The following DOCK9 variants were observed in gnomAD, a reference collection of about 807,000 sequenced individuals.
DOCK9 encodes dedicator of cytokinesis protein 9.
DOCK9 carries 89 observed loss-of-function variants against 263.3 expected under a neutral mutation model. That is an observed-to-expected ratio of 0.34 (90% CI 0.28 to 0.40). The LOEUF (loss-of-function observed/expected upper bound fraction) is 0.40. DOCK9 is among the 10% of genes least tolerant of loss of function. The pLI is 1.00. For missense variants in DOCK9, 2,140 were observed against 2,603.4 expected (o/e 0.82, Z 3.87); for synonymous variants, 976 against 973.1 (o/e 1.00, Z -0.06).
intron 1 of DOCK9, among the ~76,000 whole-genome samples, chr13:99,068,963 A>T (rs2041552573): frequency 6.6e-6 from 1 of 152,224 alleles, no homozygotes; most frequent in South Asian, 2.1e-4. Flanking sequence ...CAGATTAAAT[A>T]AGTCCTCTAA....
At chr13:98,813,522 T>C (rs2091520160) in intron 45 of DOCK9, among the ~76,000 whole-genome samples, 1 of 152,210 alleles carries the variant, frequency 6.6e-6, no homozygotes, top group Admixed American at 6.5e-5. Flanking sequence ...TTAATTTGAT[T>C]GGCTTTTCAA....
chr13:99,000,836 A>G (rs2141832468), intron 1 of DOCK9, among the ~76,000 whole-genome samples: 1 of 152,292 alleles, frequency 6.6e-6, no homozygotes, highest in Middle Eastern at 3.4e-3. Flanking sequence ...TCAGATAAGA[A>G]CGTAACATCT....
At chr13:98,867,329 G>T in intron 30 of DOCK9, 96 bp downstream of exon 30, 1 of 784,274 alleles carries the variant, frequency 1.3e-6, no homozygotes, top group East Asian at 2.6e-5. Flanking sequence ...AAAAAAATCA[G>T]AAAATTCAAA....
At chr13:99,070,380 A>G (rs1219284087) in intron 1 of DOCK9, among the ~76,000 whole-genome samples, 2 of 152,162 alleles carry the variant, frequency 1.3e-5, no homozygotes, top group Non-Finnish European at 2.9e-5. Context: ...CTATCTTTTC[A>G]TGTGTTTCCT....
chr13:98,915,594 A>C, intron 7 of DOCK9, 91 bp from the exon 8 acceptor site: 13 of 1,280,118 alleles, frequency 1.0e-5, no homozygotes, highest in South Asian at 1.6e-5. Flanking sequence ...GTGATATCTC[A>C]TTGGCATTTA....
intron 25 of DOCK9, among the ~76,000 whole-genome samples, chr13:98,880,934 A>G (rs1051648637): frequency 6.6e-5 from 10 of 152,166 alleles, no homozygotes; most frequent in Admixed American, 5.9e-4. Flanking sequence ...AGGGGCTTCA[A>G]GGAATGTGTG....
intron 1 of DOCK9, among the ~76,000 whole-genome samples, chr13:98,971,969 GT>G (rs2059779048): frequency 6.6e-6 from 1 of 152,196 alleles, no homozygotes; most frequent in Non-Finnish European, 1.5e-5. Flanking sequence ...AGAGCAGTGT[GT>G]TTTTCCTTTC....
Position 98,807,785 on chromosome 13 carries a change from C to A in DOCK9, c.5390G>T (p.Gly1797Val), listed in dbSNP as rs1473567399. 3.7e-6 allele frequency: 6 copies of A among 1,611,234 alleles called. No individual in the cohort carries two copies. In the South Asian group the frequency reaches 6.6e-5, roughly 18 times the overall value. The change falls in exon 48 of 53, where the codon GGA (glycine) becomes GTA (valine). Residue 1797 changes from glycine to valine, a missense_variant. Around this residue, in one of 2 missense-constraint regions of DOCK9, gnomAD observed 619 missense variants for 861.8 expected, o/e 0.72. Coordinates refer to ENST00000682017, the MANE Select transcript of DOCK9 (RefSeq NM_001366683.2). ...FGQGFFEDED[G>V]KEYIYKEPKL... ...GGGTTCCTTGTAAATATACTCCTTT[C>A]CATCTTCATCTTCAAAGAATCCCTG...
chr13:99,087,177 C>A (rs1315880887), upstream of DOCK9, among the ~76,000 whole-genome samples: 2 of 151,998 alleles, frequency 1.3e-5, no homozygotes, highest in East Asian at 1.9e-4. Flanking sequence ...CGGAACCTGG[C>A]GCGGGGCGCC....
At chr13:98,923,092 G>A (rs1479847444) in intron 5 of DOCK9, among the ~76,000 whole-genome samples, 1 of 152,148 alleles carries the variant, frequency 6.6e-6, no homozygotes, top group Middle Eastern at 3.2e-3. Flanking sequence ...ACACAACCAA[G>A]AGAACATGAA....
At position 98,850,127 on chromosome 13, in the gene DOCK9, A is replaced by AT. The variant is rs1485549257; in HGVS notation, c.3947-15dup. Reference sequence around the variant, plus strand: ...TAAACAAAGCATCTAGAAAATAAACATTTACTTAGAATCACAATACATATG... The same window carrying AT: ...TAAACAAAGCATCTAGAAAATAAACATTTTACTTAGAATCACAATACATATG... On this transcript the variant is annotated splice_polypyrimidine_tract_variant and intron_variant, in intron 35 of 52. Transcript: ENST00000682017. 6.9e-7 allele frequency: 1 copy of AT among 1,459,168 alleles called. No individual in the cohort carries two copies. Among genetic ancestry groups the AT allele is most frequent in the Non-Finnish European group, 9.2e-7 (1 of 1,090,736 alleles). The allele number at this position is 1,459,168 out of a possible 1,614,324, so 90.4% of individuals were successfully genotyped here.
At chr13:98,908,505 G>A (rs1686040274) in intron 9 of DOCK9, among the ~76,000 whole-genome samples, 1 of 152,248 alleles carries the variant, frequency 6.6e-6, no homozygotes, top group Admixed American at 6.5e-5. Context: ...AATAAACTGT[G>A]CAGTAGCAAT....
chr13:98,812,907 G>A (rs1173669039), intron 45 of DOCK9, among the ~76,000 whole-genome samples: 1 of 152,134 alleles, frequency 6.6e-6, no homozygotes, highest in Admixed American at 6.5e-5. Context: ...AATAAATGGC[G>A]ATATTTTTTA....
At chr13:99,044,309 G>C (rs1471021902) in intron 1 of DOCK9, among the ~76,000 whole-genome samples, 7 of 152,208 alleles carry the variant, frequency 4.6e-5, no homozygotes, top group Admixed American at 2.6e-4. Context: ...AACACTGCAG[G>C]CAGTGGGTCT....
At chr13:99,054,304 T>G (rs1001477985) in intron 1 of DOCK9, among the ~76,000 whole-genome samples, 3 of 152,160 alleles carry the variant, frequency 2.0e-5, no homozygotes, top group Admixed American at 6.5e-5. Flanking sequence ...ATGGGGTAAT[T>G]TGTGGCCTCG....
intron 1 of DOCK9, among the ~76,000 whole-genome samples, chr13:98,988,277 C>T (rs1189861773): frequency 1.3e-5 from 2 of 152,122 alleles, no homozygotes; most frequent in South Asian, 2.1e-4. Flanking sequence ...AACTGAGATA[C>T]TATTTTAATG....
At chr13:98,992,766 T>G (rs1880115317) in intron 1 of DOCK9, among the ~76,000 whole-genome samples, 1 of 152,186 alleles carries the variant, frequency 6.6e-6, no homozygotes, top group Non-Finnish European at 1.5e-5. Flanking sequence ...AATTACAGTC[T>G]CAGGTATGTC....
chr13:98,909,341 A>G (rs1212986486), intron 9 of DOCK9, among the ~76,000 whole-genome samples: 2 of 152,180 alleles, frequency 1.3e-5, no homozygotes, highest in Non-Finnish European at 2.9e-5. Context: ...AACATTCAAG[A>G]GTTTCCAGAA....
At chr13:98,974,183 G>A (rs1343214437) in intron 1 of DOCK9, among the ~76,000 whole-genome samples, 1 of 152,054 alleles carries the variant, frequency 6.6e-6, no homozygotes, top group Non-Finnish European at 1.5e-5. Flanking sequence ...CGGGTAGGGG[G>A]TAAAAATAGG....
Sources: allele counts gnomAD v4.1 joint callset (sites outside exome capture counted in the v4.1 genomes callset), GRCh38; gene constraint gnomAD v4.1.1; regional missense constraint gnomAD v4.1.1; transcripts MANE v1.5; gene names NCBI Gene and HGNC (gene_info 2026-07-23, HGNC 2026-07-21).